The following FOXN4 variants were observed in gnomAD, a reference collection of about 807,000 sequenced individuals.
The protein encoded by FOXN4 is forkhead box protein N4.
Under a neutral mutation model 45.0 loss-of-function variants are expected in FOXN4, and 12 were observed. The observed-to-expected ratio is 0.27, with a 90% CI of 0.17 to 0.43. The LOEUF is 0.43. FOXN4 is among the 20% of genes least tolerant of loss of function. The pLI is 1.00. For synonymous variants in FOXN4, 297 were observed against 295.0 expected, an observed-to-expected ratio of 1.01 and a Z score of -0.07; for missense variants, 560 against 694.9, an observed-to-expected ratio of 0.81 and a Z score of 2.18.
At chr12:109,284,314 T>C (rs933308910) in intron 8 of FOXN4, among the ~76,000 whole-genome samples, 18 of 152,158 alleles carry the variant, frequency 1.2e-4, no homozygotes, top group Non-Finnish European at 2.1e-4. Context: ...GCCTATTTCA[T>C]AGGAGGGAGG....
chr12:109,304,998 G>A (rs1360644627), intron 2 of FOXN4, among the ~76,000 whole-genome samples: 1 of 152,196 alleles, frequency 6.6e-6, no homozygotes, highest in Non-Finnish European at 1.5e-5. Context: ...TGAAGAACCT[G>A]AGGCTCAGAG....
chr12:109,286,056 C>T (rs2136919794), intron 7 of FOXN4, among the ~76,000 whole-genome samples: 1 of 152,234 alleles, frequency 6.6e-6, no homozygotes, highest in Admixed American at 6.5e-5. Context: ...AACCAGATAT[C>T]ACAATGCATC....
rs537103440 is a variant in FOXN4, at chr12:109,282,938, C to T, written c.902-1139G>A. On this transcript the variant is annotated intron_variant, in intron 8 of 9. Transcript: ENST00000299162. ...GGGTCTCAAGCCAGACCCCAGAGCT[C>T]TCGGTGGGGTGGGCGCGATGTCATA... Among the ~76,000 whole-genome samples, 9 of 152,078 alleles carry T rather than the reference C, an allele frequency of 5.9e-5. No individual in the cohort carries two copies. In the East Asian group the frequency reaches 1.2e-3, roughly 20 times the overall value.
intron 2 of FOXN4, among the ~76,000 whole-genome samples, chr12:109,305,456 G>A (rs2047912977): frequency 6.6e-6 from 1 of 152,102 alleles, no homozygotes; most frequent in Non-Finnish European, 1.5e-5. Context: ...TGCTGGGCAC[G>A]GTGGCTCACG....
chr12:109,301,572 C>T (rs1468628989), intron 2 of FOXN4, among the ~76,000 whole-genome samples: 1 of 152,226 alleles, frequency 6.6e-6, no homozygotes, highest in Non-Finnish European at 1.5e-5. Context: ...GATCACTGTA[C>T]ACACTGTTCC....
At chr12:109,286,907 G>T in intron 6 of FOXN4, 163 bp from the exon 7 acceptor site, 2 of 1,424,696 alleles carry the variant, frequency 1.4e-6, no homozygotes, top group South Asian at 3.0e-5. Flanking sequence ...TTCATGGCCC[G>T]ATGTCTTTCC....
chr12:109,301,015 C>T (rs1274919291), intron 2 of FOXN4, among the ~76,000 whole-genome samples: 1 of 152,236 alleles, frequency 6.6e-6, no homozygotes, highest in Non-Finnish European at 1.5e-5. Flanking sequence ...CTGGGCAAGG[C>T]AAGACACCAC....
chr12:109,293,109 G>A (rs1593778900), intron 2 of FOXN4, among the ~76,000 whole-genome samples: 1 of 151,848 alleles, frequency 6.6e-6, no homozygotes, highest in Non-Finnish European at 1.5e-5. Flanking sequence ...CTGCACCCAT[G>A]CCCACCCCTG....
Position 109,287,631 on chromosome 12 carries a change from T to C in FOXN4, c.469-107A>G. On this transcript the variant is annotated intron_variant, in intron 5 of 9. Transcript: ENST00000299162. This position sits in a 1 kb window ranked among gnomAD's most constrained non-coding sequence, Gnocchi z 4.1. ...GTCCCCACCCCAGTTTCAAAACACCTTGTGTGGGGATTCACAACCGTCCAG... is the reference window on the plus strand; with the variant it reads ...GTCCCCACCCCAGTTTCAAAACACCCTGTGTGGGGATTCACAACCGTCCAG... 1 of 1,381,414 alleles carries C rather than the reference T, an allele frequency of 7.2e-7. No individual in the cohort carries two copies. Among genetic ancestry groups the C allele is most frequent in the Middle Eastern group, 1.9e-4 (1 of 5,356 alleles). 85.6% of individuals were successfully genotyped at this position (1,381,414 alleles called of 1,614,324 possible). A position where few individuals can be genotyped will look rare whatever the true frequency, so the allele number is the denominator to read the frequency against.
chr12:109,279,536 C>A lies in FOXN4; in HGVS notation c.*135G>T. 7.4e-7 allele frequency: 1 copy of A among 1,360,194 alleles called. No homozygotes were observed. Among genetic ancestry groups the A allele is most frequent in the South Asian group, 1.4e-5 (1 of 69,302 alleles). 84.3% of individuals were successfully genotyped at this position (1,360,194 alleles called of 1,614,324 possible). A position where few individuals can be genotyped will look rare whatever the true frequency, so the allele number is the denominator to read the frequency against. On this transcript the variant is annotated 3_prime_UTR_variant, in exon 10 of 10. Transcript: ENST00000299162. ...TGCTGAGGGGAACCGCTTCCCTGTC[C>A]AGCCGGCAACTTCGCCACAGGTCCA...
intron 6 of FOXN4, 82 bp from the exon 7 acceptor site, chr12:109,286,826 A>G (rs574552536): frequency 3.3e-6 from 5 of 1,495,178 alleles, no homozygotes; most frequent in Admixed American, 2.2e-5. Context: ...TGACAGCCCA[A>G]TGCCGCCTCT....
rs117879109 is a variant in FOXN4 at position 109,284,114 on chromosome 12, C to T, written c.901+1190G>A. 1.3e-4 allele frequency among the ~76,000 whole-genome samples: 20 copies of T among 152,340 alleles called. No individual in the cohort carries two copies. The East Asian group carries it at 3.1e-3, about 24-fold the overall frequency. ...AGCTCTCTATTGTTCCACATCCTAGCCCACACTGAGTGTTACTATTTTAAA... is the reference window on the plus strand; with the variant it reads ...AGCTCTCTATTGTTCCACATCCTAGTCCACACTGAGTGTTACTATTTTAAA... On this transcript the variant is annotated intron_variant, in intron 8 of 9. Coordinates refer to ENST00000299162, the MANE Select transcript of FOXN4 (RefSeq NM_213596.3).
At chr12:109,285,867 C>CTTTTT (rs10685255) in intron 7 of FOXN4, among the ~76,000 whole-genome samples, 1 of 140,790 alleles carries the variant, frequency 7.1e-6, no homozygotes, top group Non-Finnish European at 1.5e-5. Flanking sequence ...TGCAAATTTA[C>CTTTTT]TTTTTTTTTT....
chr12:109,306,819 G>C (rs1372034445), intron 2 of FOXN4, among the ~76,000 whole-genome samples: 1 of 152,220 alleles, frequency 6.6e-6, no homozygotes, highest in Non-Finnish European at 1.5e-5. Flanking sequence ...GATTATAATG[G>C]ACTTGAGAGC....
intron 9 of FOXN4, among the ~76,000 whole-genome samples, chr12:109,280,222 A>G (rs2047639813): frequency 6.6e-6 from 1 of 152,016 alleles, no homozygotes; most frequent in African/African-American, 2.4e-5. Flanking sequence ...GCACACCTGT[A>G]ATCCCAGCTA....
At position 109,285,524 on chromosome 12, in the gene FOXN4, A is replaced by G. The variant is rs762924588; in HGVS notation, c.694-13T>C. On this transcript the variant is annotated splice_polypyrimidine_tract_variant and intron_variant, in intron 7 of 9. Coordinates refer to ENST00000299162, the MANE Select transcript of FOXN4 (RefSeq NM_213596.3). ...CGTCGGGGGCCGTCTATGAAGACAC[A>G]TGGGCATTCAGAGGCCTCCCTGTAA... The G allele has an allele frequency of 1.2e-6, 2 of 1,613,740 alleles. No homozygotes were observed. The highest frequency in any genetic ancestry group is 1.7e-5 in the Admixed American group (1 of 60,024).
Position 109,285,481 on chromosome 12 carries a change from G to A in FOXN4, c.724C>T (p.Arg242Trp), listed in dbSNP as rs1454520467. 6.2e-7 allele frequency: 1 copy of A among 1,614,030 alleles called. No individual in the cohort carries two copies. Among genetic ancestry groups the A allele is most frequent in the Admixed American group, 1.7e-5 (1 of 60,024 alleles). ...CACTTGTTCAGAGACAGGTTGTGCC[G>A]CACCGAGTTCTTCCACCCGTCGGGG... is the stretch of plus-strand genomic sequence containing the variant. ...TAPDGWKNSV[R>W]HNLSLNKCFE... The change falls in exon 8 of 10, where the codon CGG becomes TGG. Residue 242 changes from arginine (R) to tryptophan (W), a missense_variant. Physicochemically the swap from Arg to Trp is moderately radical, Grantham distance 101. This residue lies in a region of FOXN4 where 39 missense variants were observed against 81.7 expected (regional missense o/e 0.48). Transcript: ENST00000299162.
chr12:109,293,450 G>A (rs2047787967), intron 2 of FOXN4, among the ~76,000 whole-genome samples: 1 of 152,204 alleles, frequency 6.6e-6, no homozygotes, highest in African/African-American at 2.4e-5. Flanking sequence ...GGCTCATTGA[G>A]TGTTGGCTCC....
At chr12:109,286,904 C>T in intron 6 of FOXN4, 160 bp from the exon 7 acceptor site, 2 of 1,427,690 alleles carry the variant, frequency 1.4e-6, no homozygotes. Context: ...CTTTTCATGG[C>T]CCGATGTCTT....
Sources: allele counts gnomAD v4.1 joint callset (sites outside exome capture counted in the v4.1 genomes callset), GRCh38; gene constraint gnomAD v4.1.1; regional missense constraint gnomAD v4.1.1; non-coding constraint Gnocchi (gnomAD v3.1); transcripts MANE v1.5; gene names NCBI Gene and HGNC (gene_info 2026-07-23, HGNC 2026-07-21).